The following NAAA variants were observed in gnomAD, a reference collection of about 807,000 sequenced individuals.
NAAA encodes the protein N-acylethanolamine-hydrolyzing acid amidase.
Under a neutral mutation model 44.8 loss-of-function variants are expected in NAAA, and 39 were observed. That is an observed-to-expected ratio of 0.87 (90% CI 0.67 to 1.14). The LOEUF (loss-of-function observed/expected upper bound fraction) is 1.14, where lower values mean the gene tolerates loss of function less well. Ranked by LOEUF, NAAA falls within the 50% of genes most tolerant of loss-of-function variation. NAAA has a pLI of 0.00. For missense variants in NAAA, 460 were observed against 467.8 expected (o/e 0.98, Z 0.15); for synonymous variants, 178 against 191.3 (o/e 0.93, Z 0.58).
At position 75,915,921 on chromosome 4, in the gene NAAA, G is replaced by A. The variant is rs190325788; in HGVS notation, c.999-936C>T. Among the ~76,000 whole-genome samples, 143 of 152,294 alleles carry A rather than the reference G, an allele frequency of 9.4e-4. 2 individuals are homozygous for A. Among genetic ancestry groups the A allele is most frequent in the African/African-American group, 3.1e-3 (130 of 41,572 alleles). ...AGTTGAGGTGCATGTGCAAAATATCGGAGCTGGGTTGTTCAGAAACAGGCA... is the reference window on the plus strand; with the variant it reads ...AGTTGAGGTGCATGTGCAAAATATCAGAGCTGGGTTGTTCAGAAACAGGCA... On this transcript the variant is annotated intron_variant, in intron 9 of 10. Coordinates refer to ENST00000286733, the MANE Select transcript of NAAA (RefSeq NM_014435.4).
At chr4:75,939,394 A>C (rs1438823754) in intron 2 of NAAA, among the ~76,000 whole-genome samples, 2 of 151,946 alleles carry the variant, frequency 1.3e-5, no homozygotes, top group East Asian at 3.9e-4. Flanking sequence ...AACTTCCTGG[A>C]AAAGTACGTT....
chr4:75,929,719 G>A lies in NAAA; in HGVS notation c.589+1495C>T, dbSNP rs996690875. Among the ~76,000 whole-genome samples the A allele has an allele frequency of 2.0e-5, 3 of 152,168 alleles. No individual in the cohort carries two copies. In the South Asian group the frequency reaches 6.2e-4, roughly 31 times the overall value. On this transcript the variant is annotated intron_variant, in intron 4 of 10. Coordinates refer to ENST00000286733, the MANE Select transcript of NAAA (RefSeq NM_014435.4). ...TGTGGAAGAAATACATTAGGATAAA[G>A]AACTGCTTACTGTGGACACTGATAT...
At chr4:75,913,374 T>C (rs1024690434), downstream of NAAA, among the ~76,000 whole-genome samples, 2 of 152,024 alleles carry the variant, frequency 1.3e-5, no homozygotes, top group African/African-American at 4.8e-5. Flanking sequence ...GTGACTGGTG[T>C]TTCTTTTTCC....
chr4:75,940,016 G>A lies in NAAA; in HGVS notation c.356C>T (p.Ala119Val), dbSNP rs776080246. ...GGGCACTCACACGGAGGACTCGTAGGCCAGGTTGACCAGAAGGCAGTCCGC... is the reference window on the plus strand; with the variant it reads ...GGGCACTCACACGGAGGACTCGTAGACCAGGTTGACCAGAAGGCAGTCCGC... ...SLADCLLVNL[A>V]YESSVFCTSI... The change falls in exon 2 of 11, where the codon GCC (alanine) becomes GTC (valine). Residue 119 changes from alanine (A) to valine (V), a missense_variant. Physicochemically the swap from Ala to Val is moderately conservative, Grantham distance 64. Coordinates refer to ENST00000286733, the MANE Select transcript of NAAA (RefSeq NM_014435.4). 1.1e-5 allele frequency: 18 copies of A among 1,613,916 alleles called. No homozygotes were observed. The East Asian group carries it at 3.8e-4, about 34-fold the overall frequency.
intron 4 of NAAA, among the ~76,000 whole-genome samples, chr4:75,928,915 C>G (rs112934404): frequency 0.012 from 1,760 of 151,794 alleles, 21 homozygotes; most frequent in Middle Eastern, 0.058. Context: ...AGCCTCACGC[C>G]TAGCTGGGAC....
intron 2 of NAAA, among the ~76,000 whole-genome samples, chr4:75,937,190 G>A (rs1727806797): frequency 6.6e-6 from 1 of 152,210 alleles, no homozygotes; most frequent in South Asian, 2.1e-4. Context: ...GGAGGCCAAG[G>A]TGGGTGAATC....
downstream of NAAA, chr4:75,911,242 G>T (rs111357623): frequency 0.059 from 28,668 of 486,092 alleles, 1,754 homozygotes; most frequent in African/African-American, 0.23. Flanking sequence ...TTCTTTTGTG[G>T]ATCTTCAGTT....
chr4:75,930,044 G>T (rs55763602), intron 4 of NAAA, among the ~76,000 whole-genome samples: 33 of 152,040 alleles, frequency 2.2e-4, no homozygotes, highest in Non-Finnish European at 3.1e-4. Context: ...AGCTGAGATC[G>T]CCCACTGCAC....
At chr4:75,920,013 A>G in intron 7 of NAAA, 38 bp from the exon 8 acceptor site, 1 of 1,565,982 alleles carries the variant, frequency 6.4e-7, no homozygotes, top group Non-Finnish European at 8.8e-7. Flanking sequence ...TGGCATTTCA[A>G]CAAGCACTGA....
intron 9 of NAAA, chr4:75,917,056 G>A: frequency 1.1e-6 from 1 of 913,884 alleles, no homozygotes; most frequent in Non-Finnish European, 1.3e-6. Context: ...TAGGATTACA[G>A]ATGTGAGCCA....
At chr4:75,939,895 G>T in intron 2 of NAAA, 106 bp downstream of exon 2, 1 of 1,342,502 alleles carries the variant, frequency 7.4e-7, no homozygotes, top group Non-Finnish European at 1.0e-6. Flanking sequence ...TAGGCAAGCA[G>T]GCACCGCCCT....
At chr4:75,925,610 G>C (rs1441444420) in intron 5 of NAAA, 125 bp downstream of exon 5, 2 of 845,692 alleles carry the variant, frequency 2.4e-6, no homozygotes, top group Non-Finnish European at 3.8e-6. Flanking sequence ...TATGCACTTT[G>C]CAGACATTTA....
At chr4:75,938,311 T>C (rs144035058) in intron 2 of NAAA, among the ~76,000 whole-genome samples, 87 of 152,328 alleles carry the variant, frequency 5.7e-4, no homozygotes, top group African/African-American at 2.0e-3. Context: ...ATCCAAAAGT[T>C]AGAATGTTTT....
chr4:75,911,607 A>C (rs1294431865), downstream of NAAA, among the ~76,000 whole-genome samples: 2 of 152,182 alleles, frequency 1.3e-5, no homozygotes, highest in African/African-American at 4.8e-5. Context: ...CCACAGGACT[A>C]GTTGACTCAT....
At chr4:75,919,192 C>G (rs1333962208) in intron 8 of NAAA, 1 of 184,828 alleles carries the variant, frequency 5.4e-6, no homozygotes, top group Non-Finnish European at 1.1e-5. Flanking sequence ...TAGGCACACA[C>G]CACCAAGCCT....
At chr4:75,911,927 TTTAAAG>T (rs1725342175), downstream of NAAA, among the ~76,000 whole-genome samples, 1 of 152,214 alleles carries the variant, frequency 6.6e-6, no homozygotes, top group Non-Finnish European at 1.5e-5. Flanking sequence ...TCATCCTTTC[TTTAAAG>T]TTAAACTCTA....
rs34751328 is a variant in NAAA at position 75,940,051 on chromosome 4, G to T, written c.321C>A (p.Asn107Lys). The T allele has an allele frequency of 7.3e-4, 1,177 of 1,614,106 alleles. 6 individuals are homozygous for T. The African/African-American group carries it at 0.013, about 18-fold the overall frequency. The stretch of plus-strand genomic sequence containing the variant: ...CCAGAAGGCAGTCCGCCAGGCTGAG[G>T]TTCATGAAGTCACACATGCCGCGGA... ...GEIRGMCDFM[N>K]LSLADCLLVN... The change falls in exon 2 of 11, where the codon AAC (asparagine) becomes AAA (lysine). Residue 107 changes from asparagine to lysine, a missense_variant. Transcript: ENST00000286733.
intron 4 of NAAA, among the ~76,000 whole-genome samples, chr4:75,928,797 T>G (rs1226371495): frequency 6.7e-6 from 1 of 150,362 alleles, no homozygotes. Flanking sequence ...TTTTTTTTTC[T>G]TTTTTTTTGA....
At chr4:75,938,444 G>C (rs957721104) in intron 2 of NAAA, among the ~76,000 whole-genome samples, 1 of 152,206 alleles carries the variant, frequency 6.6e-6, no homozygotes, top group Non-Finnish European at 1.5e-5. Flanking sequence ...GGAGGTAGGA[G>C]AGGGAGGTGG....
Sources: gnomAD v4.1 joint callset for allele counts (sites outside exome capture counted in the v4.1 genomes callset) on GRCh38, gnomAD v4.1.1 for gene constraint, MANE v1.5 for transcripts, NCBI Gene and HGNC (gene_info 2026-07-23, HGNC 2026-07-21) for gene names.